The following ARSG variants were observed in gnomAD, a reference collection of about 807,000 sequenced individuals.
ARSG encodes the protein arylsulfatase G.
ARSG carries 37 observed loss-of-function variants against 50.5 expected under a neutral mutation model. The observed-to-expected ratio is 0.73, with a 90% CI of 0.56 to 0.96. ARSG has a LOEUF of 0.96. Ranked by LOEUF, ARSG falls within the 50% of genes least tolerant of loss-of-function variation. The probability of loss-of-function intolerance (pLI) is 0.00; values close to 1 mark genes in which losing one functional copy is unlikely to be tolerated. For synonymous variants in ARSG, 225 were observed against 254.6 expected, an observed-to-expected ratio of 0.88 and a Z score of 1.11; for missense variants, 629 against 675.3, an observed-to-expected ratio of 0.93 and a Z score of 0.76.
At chr17:68,423,325 G>A (rs2082933624), downstream of ARSG, among the ~76,000 whole-genome samples, 1 of 152,222 alleles carries the variant, frequency 6.6e-6, no homozygotes, top group Non-Finnish European at 1.5e-5. This position sits in a 1 kb window ranked among gnomAD's most constrained non-coding sequence, Gnocchi z 4.4. Context: ...GAGCATCCCA[G>A]GAGCATGCAT....
intron 1 of ARSG, among the ~76,000 whole-genome samples, chr17:68,269,673 GTTTTT>G (rs782421181): frequency 6.4e-5 from 5 of 77,912 alleles, no homozygotes; most frequent in African/African-American, 3.7e-4. Context: ...TTCACTTTAG[GTTTTT>G]TTTTTTTTTT....
downstream of ARSG, among the ~76,000 whole-genome samples, chr17:68,425,289 G>A (rs534616610): frequency 7.6e-4 from 115 of 152,158 alleles, 2 homozygotes; most frequent in South Asian, 0.023. Flanking sequence ...CTGCAGCCTC[G>A]ACCTCCCAGG....
At chr17:68,328,700 G>C (rs2077601356) in intron 2 of ARSG, among the ~76,000 whole-genome samples, 1 of 152,194 alleles carries the variant, frequency 6.6e-6, no homozygotes, top group African/African-American at 2.4e-5. Flanking sequence ...TCTGTTTGGA[G>C]GCAGAGAGAT....
At chr17:68,296,965 G>C (rs1357746660) in intron 1 of ARSG, among the ~76,000 whole-genome samples, 2 of 152,214 alleles carry the variant, frequency 1.3e-5, no homozygotes, top group Non-Finnish European at 2.9e-5. Flanking sequence ...GGCAGAGCAG[G>C]CTGGGCTGTT....
chr17:68,285,453 C>T (rs2075819416), intron 1 of ARSG: 1 of 152,310 alleles, frequency 6.6e-6, no homozygotes, highest in Admixed American at 6.6e-5. Flanking sequence ...GGTGGATTGC[C>T]TTAGGTCAGG....
At chr17:68,433,572 A>G in the ARSG span, 27 of 1,613,794 alleles carry the variant, frequency 1.7e-5, no homozygotes, top group Non-Finnish European at 1.9e-5. Flanking sequence ...TGATTGTCAC[A>G]TACCTACAAG....
At chr17:68,272,420 C>T (rs2075371599) in intron 1 of ARSG, among the ~76,000 whole-genome samples, 1 of 152,084 alleles carries the variant, frequency 6.6e-6, no homozygotes, top group Non-Finnish European at 1.5e-5. Flanking sequence ...CATATGTGCC[C>T]AGTTAGGAAT....
At chr17:68,359,885 C>T (rs1474382738) in intron 6 of ARSG, 2 of 152,240 alleles carry the variant, frequency 1.3e-5, no homozygotes, top group African/African-American at 4.8e-5. Context: ...GTAGAAAGGG[C>T]AGAGCCTCTT....
intron 2 of ARSG, among the ~76,000 whole-genome samples, chr17:68,320,238 C>T (rs1177957268): frequency 2.0e-5 from 3 of 150,514 alleles, no homozygotes; most frequent in African/African-American, 4.9e-5. Flanking sequence ...TGCAGTGAGC[C>T]GAGATCGTGC....
chr17:68,297,591 A>G (rs1599609045), intron 1 of ARSG, among the ~76,000 whole-genome samples: 1 of 152,202 alleles, frequency 6.6e-6, no homozygotes, highest in East Asian at 1.9e-4. Flanking sequence ...TTTGCCATCT[A>G]TACTCAGAAT....
rs565738283 is a variant in ARSG at position 68,335,326 on chromosome 17, G to A, written c.219-8278G>A. 6.6e-5 allele frequency among the ~76,000 whole-genome samples: 10 copies of A among 152,176 alleles called. No individual in the cohort carries two copies. In the South Asian group the frequency reaches 1.9e-3, roughly 28 times the overall value. On this transcript the variant is annotated intron_variant, in intron 2 of 11. Coordinates refer to ENST00000621439, the MANE Select transcript of ARSG (RefSeq NM_001267727.2). ...CCCAGCACTTTGGGAGGCCGAGACGGGTGGATCGCAAGGTCCGGAGATTGA... is the reference window on the plus strand; with the variant it reads ...CCCAGCACTTTGGGAGGCCGAGACGAGTGGATCGCAAGGTCCGGAGATTGA...
rs781907337 is a variant in ARSG at position 68,271,528 on chromosome 17, G to A, written c.-552+12102G>A. 15 of 1,614,004 alleles carry A rather than the reference G, an allele frequency of 9.3e-6. No homozygotes were observed. In the East Asian group the frequency reaches 1.3e-4, roughly 14 times the overall value. On this transcript the variant is annotated intron_variant, in intron 1 of 11. Transcript: ENST00000448504. The surrounding 1 kb of genome is among the most constrained non-coding windows in gnomAD (Gnocchi z 5.3). ...CCGATTTTCCTGGATGACTATTTTC[G>A]GTGACGCTGGTCCTCTGATAAAGAT...
intron 11 of ARSG, among the ~76,000 whole-genome samples, chr17:68,406,670 G>GTATACT (rs1169694064): frequency 3.3e-5 from 5 of 152,108 alleles, no homozygotes; most frequent in Non-Finnish European, 4.4e-5. Context: ...TTGGCCATTT[G>GTATACT]TATACTTTTG....
intron 3 of ARSG, among the ~76,000 whole-genome samples, chr17:68,344,594 G>A (rs2078423295): frequency 6.6e-6 from 1 of 152,236 alleles, no homozygotes. Context: ...GCCTAACCTG[G>A]AGGGGTGGAG....
chr17:68,311,666 GCCAGGAACACCAAGGACCGCTGGCAA>G (rs1334211751), intron 2 of ARSG, among the ~76,000 whole-genome samples: 8 of 152,036 alleles, frequency 5.3e-5, no homozygotes, highest in Admixed American at 2.6e-4. Flanking sequence ...GCCTCTACAA[GCCAGGAACACCAAGGACCGCTGGCAA>G]CCAGCAGAAC....
intron 11 of ARSG, among the ~76,000 whole-genome samples, chr17:68,415,851 T>C (rs1197356800): frequency 6.6e-6 from 1 of 152,222 alleles, no homozygotes; most frequent in Admixed American, 6.5e-5. Flanking sequence ...TTACTTTTGG[T>C]GTTCATTTGC....
chr17:68,392,998 AG>A (rs1331236330), intron 9 of ARSG, among the ~76,000 whole-genome samples: 5 of 152,228 alleles, frequency 3.3e-5, no homozygotes, highest in African/African-American at 1.2e-4. Flanking sequence ...AGCTGGTGAC[AG>A]GTAGAACGCC....
chr17:68,286,960 C>T (rs1481157026), upstream of ARSG, among the ~76,000 whole-genome samples: 1 of 152,170 alleles, frequency 6.6e-6, no homozygotes, highest in Non-Finnish European at 1.5e-5. Flanking sequence ...TATTCTATGA[C>T]AGCTGTTTAG....
intron 11 of ARSG, among the ~76,000 whole-genome samples, chr17:68,408,450 G>T (rs1425436476): frequency 6.6e-6 from 1 of 151,860 alleles, no homozygotes; most frequent in Non-Finnish European, 1.5e-5. Context: ...CAAAGGACAT[G>T]AACTCATCAT....
Sources: allele counts gnomAD v4.1 joint callset (sites outside exome capture counted in the v4.1 genomes callset), GRCh38; gene constraint gnomAD v4.1.1; non-coding constraint Gnocchi (gnomAD v3.1); transcripts MANE v1.5; gene names NCBI Gene and HGNC (gene_info 2026-07-23, HGNC 2026-07-21).